The following GNAI1 variants were observed in gnomAD, a reference collection of about 807,000 sequenced individuals.
The protein encoded by GNAI1 is G protein subunit alpha i1, also known as guanine nucleotide-binding protein G(i) subunit alpha-1.
GNAI1 carries 11 observed loss-of-function variants against 38.9 expected under a neutral mutation model. The ratio of observed to expected loss-of-function variants is 0.28; its 90% CI spans 0.18 to 0.47. The LOEUF (loss-of-function observed/expected upper bound fraction) is 0.47. Among genes scored for constraint, GNAI1 ranks in the 20% least tolerant of loss-of-function variants. GNAI1 has a pLI of 0.99. For synonymous variants in GNAI1, 166 were observed against 145.1 expected, an observed-to-expected ratio of 1.14 and a Z score of -1.04; for missense variants, 317 against 436.9, an observed-to-expected ratio of 0.73 and a Z score of 2.45.
chr7:80,204,344 C>A (rs60873462), intron 5 of GNAI1, among the ~76,000 whole-genome samples: 12,737 of 152,044 alleles, frequency 0.084, 541 homozygotes, highest in African/African-American at 0.092. Flanking sequence ...TTAAAGTGTA[C>A]TGAATATCCA....
intron 5 of GNAI1, among the ~76,000 whole-genome samples, chr7:80,205,436 A>G (rs1403032208): frequency 6.6e-6 from 1 of 152,152 alleles, no homozygotes; most frequent in East Asian, 1.9e-4. Flanking sequence ...GTTGACCCAA[A>G]TTGAGCACAC....
At chr7:80,210,629 T>A (rs767543824) in intron 5 of GNAI1, among the ~76,000 whole-genome samples, 2 of 152,176 alleles carry the variant, frequency 1.3e-5, no homozygotes, top group Non-Finnish European at 2.9e-5. Context: ...CTTCTCAGTG[T>A]TTACACATAG....
chr7:80,153,808 A>G (rs1243961289), intron 1 of GNAI1, among the ~76,000 whole-genome samples: 1 of 152,176 alleles, frequency 6.6e-6, no homozygotes, highest in Non-Finnish European at 1.5e-5. Flanking sequence ...TATCTTCTGT[A>G]ACTTCTTTGT....
At chr7:80,205,167 G>C (rs1381174766) in intron 5 of GNAI1, among the ~76,000 whole-genome samples, 1 of 152,082 alleles carries the variant, frequency 6.6e-6, no homozygotes, top group Non-Finnish European at 1.5e-5. Context: ...GAATATAATA[G>C]AGTCACATTA....
At chr7:80,183,946 T>A (rs1010885541) in intron 1 of GNAI1, among the ~76,000 whole-genome samples, 9 of 152,170 alleles carry the variant, frequency 5.9e-5, no homozygotes, top group Non-Finnish European at 1.3e-4. Flanking sequence ...CCAAAATGCC[T>A]GTGAGTTCTC....
At chr7:80,174,539 T>C (rs2115575689) in intron 1 of GNAI1, among the ~76,000 whole-genome samples, 1 of 151,942 alleles carries the variant, frequency 6.6e-6, no homozygotes, top group South Asian at 2.1e-4. Context: ...TCATTAATTA[T>C]AAATATTTTT....
At chr7:80,196,983 T>C (rs1051564032) in intron 3 of GNAI1, among the ~76,000 whole-genome samples, 1 of 151,958 alleles carries the variant, frequency 6.6e-6, no homozygotes, top group Non-Finnish European at 1.5e-5. Context: ...TTTAATTAGC[T>C]ACAGTCCTCA....
At chr7:80,137,775 C>A (rs980849828) in intron 1 of GNAI1, among the ~76,000 whole-genome samples, 2 of 152,152 alleles carry the variant, frequency 1.3e-5, no homozygotes, top group Non-Finnish European at 2.9e-5. Context: ...TCCTGGCTGT[C>A]CCTGCTGGCC....
intron 1 of GNAI1, among the ~76,000 whole-genome samples, chr7:80,159,220 T>C (rs1584016351): frequency 1.3e-5 from 2 of 152,292 alleles, no homozygotes; most frequent in Admixed American, 1.3e-4. Flanking sequence ...GGGGGCTTAC[T>C]TGTTTGTTAG....
chr7:80,172,100 ATGT>A (rs1377014909), intron 1 of GNAI1, among the ~76,000 whole-genome samples: 6 of 152,156 alleles, frequency 3.9e-5, no homozygotes, highest in African/African-American at 1.4e-4. Context: ...TAGGACCTAC[ATGT>A]TATTTAACTT....
At chr7:80,175,384 G>A (rs577618545) in intron 1 of GNAI1, among the ~76,000 whole-genome samples, 5 of 151,752 alleles carry the variant, frequency 3.3e-5, no homozygotes, top group Non-Finnish European at 5.9e-5. Flanking sequence ...GTGTGTGTGT[G>A]TATAAAAATA....
chr7:80,203,616 G>T, intron 4 of GNAI1, 88 bp from the exon 5 acceptor site: 2 of 755,004 alleles, frequency 2.6e-6, no homozygotes, highest in South Asian at 1.7e-5. Flanking sequence ...ATTATCGCTT[G>T]TATTGAAATG....
chr7:80,200,191 G>A (rs1227597670), intron 4 of GNAI1, among the ~76,000 whole-genome samples: 2 of 151,402 alleles, frequency 1.3e-5, no homozygotes, highest in Non-Finnish European at 2.9e-5. Context: ...AGTCATGATG[G>A]TGCACACGTG....
At chr7:80,150,531 CTG>C (rs1339314094) in intron 1 of GNAI1, among the ~76,000 whole-genome samples, 1 of 152,116 alleles carries the variant, frequency 6.6e-6, no homozygotes, top group Non-Finnish European at 1.5e-5. Context: ...TAAAGGAAAA[CTG>C]TAAATAAATG....
intron 1 of GNAI1, among the ~76,000 whole-genome samples, chr7:80,181,528 T>C (rs762440354): frequency 1.6e-4 from 25 of 152,194 alleles, no homozygotes; most frequent in Non-Finnish European, 2.8e-4. Flanking sequence ...AGTGGGTGTG[T>C]AGATTCAAAT....
At chr7:80,211,419 C>CTTT (rs71076502) in intron 6 of GNAI1, among the ~76,000 whole-genome samples, 5 of 138,804 alleles carry the variant, frequency 3.6e-5, no homozygotes, top group African/African-American at 5.3e-5. Flanking sequence ...TTTAGTAAAT[C>CTTT]TTTTTTTTTT....
At chr7:80,144,070 C>T (rs1399831285) in intron 1 of GNAI1, among the ~76,000 whole-genome samples, 2 of 152,084 alleles carry the variant, frequency 1.3e-5, no homozygotes, top group African/African-American at 4.8e-5. Flanking sequence ...CTTTAACAGC[C>T]TCCTTACTGG....
At chr7:80,156,550 T>C (rs1787821780) in intron 1 of GNAI1, among the ~76,000 whole-genome samples, 1 of 152,098 alleles carries the variant, frequency 6.6e-6, no homozygotes, top group Admixed American at 6.5e-5. Context: ...TGTCTTAGCC[T>C]CACAAGTAAC....
intron 3 of GNAI1, among the ~76,000 whole-genome samples, chr7:80,195,978 C>T (rs1788562606): frequency 6.6e-6 from 1 of 151,936 alleles, no homozygotes; most frequent in Non-Finnish European, 1.5e-5. Flanking sequence ...AGCCATCATG[C>T]TCCCTTAAAG....
Sources: allele counts gnomAD v4.1 joint callset (sites outside exome capture counted in the v4.1 genomes callset), GRCh38; gene constraint gnomAD v4.1.1; transcripts MANE v1.5; gene names NCBI Gene and HGNC (gene_info 2026-07-23, HGNC 2026-07-21).